Variants in SPATA7 observed in about 807,000 individuals in gnomAD.
The protein encoded by SPATA7 is spermatogenesis associated 7, also known as spermatogenesis-associated protein 7.
Under a neutral mutation model 51.8 loss-of-function variants are expected in SPATA7, and 43 were observed. That is an observed-to-expected ratio of 0.83 (90% CI 0.65 to 1.07). The LOEUF (loss-of-function observed/expected upper bound fraction) is 1.07. Among genes scored for constraint, SPATA7 ranks in the 50% least tolerant of loss-of-function variants. The pLI, the probability that SPATA7 is intolerant of heterozygous loss-of-function variation, is 0.00. For missense variants in SPATA7, 683 were observed against 701.3 expected (o/e 0.97, Z 0.30); for synonymous variants, 230 against 252.8 (o/e 0.91, Z 0.86).
In SPATA7 at chr14:88,429,383, A is replaced by G; in HGVS notation, c.948A>G (p.Lys316=). 1 of 1,612,568 alleles carries G rather than the reference A, an allele frequency of 6.2e-7. No individual in the cohort carries two copies. The highest frequency in any genetic ancestry group is 1.3e-5 in the African/African-American group (1 of 74,978). Residue 316 remains lysine, a synonymous_variant, in exon 8 of 12, where the codon AAA becomes AAG. Coordinates refer to ENST00000393545, the MANE Select transcript of SPATA7 (RefSeq NM_018418.5). ...SNCVTYDAKE[K]IAPLPLEGHD... The stretch of plus-strand genomic sequence containing the variant: ...GTGTGACATATGATGCCAAAGAAAA[A>G]ATAGCTCCTTTACCTTTAGAAGGGC...
rs566899195 is a variant in SPATA7 at position 88,468,943 on chromosome 14, G to T, written c.255-904G>T. 5 of 1,614,200 alleles carry T rather than the reference G, an allele frequency of 3.1e-6. No homozygotes were observed. The African/African-American group carries it at 6.7e-5, about 22-fold the overall frequency. ...CATTGTGTTCCAGGCAGGCGATCAT[G>T]ATCTCCGACAAAATCACCACGCCAG... On this transcript the variant is annotated intron_variant, in intron 4 of 4. Transcript: ENST00000556406.
intron 4 of SPATA7, among the ~76,000 whole-genome samples, chr14:88,411,708 A>AGGATGAAATACT (rs1427803326): frequency 6.6e-6 from 1 of 152,078 alleles, no homozygotes; most frequent in East Asian, 1.9e-4. Flanking sequence ...GCACATATAC[A>AGGATGAAATACT]GTATTTCATC....
At chr14:88,452,476 G>A (rs561317129) in intron 3 of SPATA7, among the ~76,000 whole-genome samples, 1 of 152,282 alleles carries the variant, frequency 6.6e-6, no homozygotes, top group Non-Finnish European at 1.5e-5. Context: ...TGTGGGCGGG[G>A]CCATAGAGCT....
Position 88,416,788 on chromosome 14 carries a change from G to A in SPATA7, c.316G>A (p.Ala106Thr), listed in dbSNP as rs775594191. 3 of 1,608,534 alleles carry A rather than the reference G, an allele frequency of 1.9e-6. No homozygotes were observed. The highest frequency in any genetic ancestry group is 3.3e-5 in the Admixed American group (2 of 59,930). Residue 106 changes from alanine to threonine, a missense_variant, in exon 5 of 12, where the codon GCA (alanine) becomes ACA (threonine). Ala to Thr is a moderately conservative substitution (Grantham distance 58). Coordinates refer to ENST00000393545, the MANE Select transcript of SPATA7 (RefSeq NM_018418.5). ...AAAAGAGTTCAAATTAACTAAAACT[G>A]CAATGCGAGCCAATTATAAAAATAA... ...CEKEFKLTKT[A>T]MRANYKNNSK...
chr14:88,427,965 A>G (rs903899796), intron 7 of SPATA7: 34 of 354,748 alleles, frequency 9.6e-5, no homozygotes, highest in Non-Finnish European at 1.6e-4. Context: ...AAATGGAAGG[A>G]TCAGTAAAAT....
chr14:88,452,151 GC>G (rs1408565414), intron 3 of SPATA7, among the ~76,000 whole-genome samples: 3 of 152,142 alleles, frequency 2.0e-5, no homozygotes, highest in Admixed American at 2.0e-4. Flanking sequence ...CCTAGGGATG[GC>G]ATGTCTTGAG....
Position 88,393,478 on chromosome 14 carries a change from T to G in SPATA7, c.180T>G (p.Leu60=). ...TGGCTGTTCACTATAATAAAATCCT[T>G]TCAGCCAAAGGTAAAAATGTGCAAA... ...NHMAVHYNKI[L]SAKAAVDCSV... is the part of the protein sequence containing the mutation. The change falls in exon 3 of 12, where the codon CTT becomes CTG. Residue 60 remains leucine, a synonymous_variant. Coordinates refer to ENST00000393545, the MANE Select transcript of SPATA7 (RefSeq NM_018418.5). The G allele has an allele frequency of 6.3e-7, 1 of 1,597,598 alleles. No individual in the cohort carries two copies. Among genetic ancestry groups the G allele is most frequent in the Non-Finnish European group, 8.5e-7 (1 of 1,170,176 alleles).
At chr14:88,455,806 C>T (rs530538081), downstream of SPATA7, among the ~76,000 whole-genome samples, 69 of 151,948 alleles carry the variant, frequency 4.5e-4, no homozygotes, top group African/African-American at 1.6e-3. Context: ...ATACACGTGC[C>T]GTGTTGGTGT....
intron 3 of SPATA7, among the ~76,000 whole-genome samples, chr14:88,452,769 C>T (rs2077260672): frequency 6.6e-6 from 1 of 152,186 alleles, no homozygotes; most frequent in Admixed American, 6.5e-5. Context: ...TTTAAAACAC[C>T]TGTGAGAGTT....
chr14:88,385,773 G>A lies in SPATA7; in HGVS notation c.-46G>A, dbSNP rs1436784396. On this transcript the variant is annotated 5_prime_UTR_variant, in exon 1 of 12. Transcript: ENST00000393545. ...GCTGGGCCCGGCCGCGGGAAGGACC[G>A]AAGGGGATACAGCGTGTCCCTGCGG... 2.5e-6 allele frequency: 4 copies of A among 1,575,950 alleles called. No individual in the cohort carries two copies. The highest frequency in any genetic ancestry group is 2.7e-5 in the African/African-American group (2 of 74,512).
At chr14:88,406,415 C>T (rs60312456) in intron 4 of SPATA7, among the ~76,000 whole-genome samples, 5,425 of 149,910 alleles carry the variant, frequency 0.036, 311 homozygotes, top group African/African-American at 0.12. Flanking sequence ...ACCCCTAGCC[C>T]CAGGCAACCA....
intron 3 of SPATA7, among the ~76,000 whole-genome samples, chr14:88,452,907 A>C (rs373472720): frequency 1.4e-4 from 22 of 152,204 alleles, no homozygotes; most frequent in African/African-American, 5.3e-4. Context: ...CTTGTTCTTC[A>C]CACATAGAGG....
At chr14:88,447,402 G>A (rs1566794452) in intron 3 of SPATA7, among the ~76,000 whole-genome samples, 1 of 151,100 alleles carries the variant, frequency 6.6e-6, no homozygotes, top group Non-Finnish European at 1.5e-5. Context: ...TGGGTTTCCT[G>A]AATACAGCAC....
chr14:88,446,828 A>T (rs1326193164), intron 3 of SPATA7, among the ~76,000 whole-genome samples: 2 of 151,640 alleles, frequency 1.3e-5, no homozygotes, highest in Non-Finnish European at 3.0e-5. Context: ...TTCTAGTTTG[A>T]TTGCACTGTG....
downstream of SPATA7, among the ~76,000 whole-genome samples, chr14:88,441,451 A>T (rs114065288): frequency 0.026 from 3,954 of 152,248 alleles, 180 homozygotes; most frequent in African/African-American, 0.09. Flanking sequence ...TTGCACTAGT[A>T]TACATTCCCA....
chr14:88,456,039 T>C (rs1362288833), downstream of SPATA7, among the ~76,000 whole-genome samples: 2 of 152,074 alleles, frequency 1.3e-5, no homozygotes, highest in African/African-American at 2.4e-5. Flanking sequence ...TCCATGTCCC[T>C]ACAAAGGACA....
At chr14:88,465,455 A>G (rs2077350683) in intron 4 of SPATA7, among the ~76,000 whole-genome samples, 1 of 152,204 alleles carries the variant, frequency 6.6e-6, no homozygotes, top group Admixed American at 6.5e-5. Flanking sequence ...CAATAGAGCA[A>G]GACTCCGTCT....
At chr14:88,412,318 A>C (rs2076363689) in intron 4 of SPATA7, among the ~76,000 whole-genome samples, 1 of 151,736 alleles carries the variant, frequency 6.6e-6, no homozygotes, top group African/African-American at 2.4e-5. Flanking sequence ...GGAGTTTATT[A>C]AGTATTAACT....
chr14:88,446,401 T>G (rs1000402543), intron 3 of SPATA7, among the ~76,000 whole-genome samples: 1 of 152,228 alleles, frequency 6.6e-6, no homozygotes, highest in Non-Finnish European at 1.5e-5. Context: ...TTGCTAGCAG[T>G]CTATCAATTT....
Sources: allele counts gnomAD v4.1 joint callset (sites outside exome capture counted in the v4.1 genomes callset), GRCh38; gene constraint gnomAD v4.1.1; transcripts MANE v1.5; gene names NCBI Gene and HGNC (gene_info 2026-07-23, HGNC 2026-07-21).